The following ARSJ variants were observed in gnomAD, a reference collection of about 807,000 sequenced individuals.
The protein encoded by ARSJ is arylsulfatase family member J.
ARSJ carries 26 observed loss-of-function variants against 35.9 expected under a neutral mutation model. The ratio of observed to expected loss-of-function variants is 0.72; its 90% CI spans 0.53 to 1.00. The LOEUF (loss-of-function observed/expected upper bound fraction) is 1.00. ARSJ is among the 50% of genes least tolerant of loss of function. The pLI is 0.00. For synonymous variants in ARSJ, 294 were observed against 267.6 expected, an observed-to-expected ratio of 1.10 and a Z score of -0.96; for missense variants, 667 against 723.6, an observed-to-expected ratio of 0.92 and a Z score of 0.90.
intron 1 of ARSJ, among the ~76,000 whole-genome samples, chr4:113,945,272 C>T (rs1725403679): frequency 6.6e-6 from 1 of 152,040 alleles, no homozygotes; most frequent in Non-Finnish European, 1.5e-5. Flanking sequence ...GAAGCTGGGA[C>T]TATAGGTGTG....
chr4:113,977,365 A>G (rs1594531261), intron 1 of ARSJ, among the ~76,000 whole-genome samples: 1 of 152,360 alleles, frequency 6.6e-6, no homozygotes, highest in African/African-American at 2.4e-5. Context: ...AGTGGAAATC[A>G]TGCTGTAAGC....
At chr4:113,945,852 A>G (rs1443564579) in intron 1 of ARSJ, among the ~76,000 whole-genome samples, 1 of 152,036 alleles carries the variant, frequency 6.6e-6, no homozygotes, top group Non-Finnish European at 1.5e-5. Flanking sequence ...TAATTCTCCC[A>G]AGTAATTCCA....
intron 1 of ARSJ, among the ~76,000 whole-genome samples, chr4:113,965,720 C>A (rs1726850806): frequency 6.6e-6 from 1 of 151,982 alleles, no homozygotes; most frequent in African/African-American, 2.4e-5. Context: ...TTATGCTCAA[C>A]TAAATCTTTT....
chr4:113,978,506 CCTTCGGCAGCGAG>C lies in ARSJ; in HGVS notation c.316_328del (p.Leu106GlufsTer36). 6.2e-7 allele frequency: 1 copy of C among 1,614,174 alleles called. No homozygotes were observed. The highest frequency in any genetic ancestry group is 8.5e-7 in the Non-Finnish European group (1 of 1,179,992). ...GACATAGTAGTTCTCCAGTTTAACT[CCTTCGGCAGCGAG>C]CTTGTCAAGAGTAGGTGTTTTAATC... On this transcript the variant is annotated frameshift_variant, in exon 1 of 2. Coordinates refer to ENST00000315366, the MANE Select transcript of ARSJ (RefSeq NM_024590.4). LOFTEE classifies it high-confidence loss of function.
At chr4:113,929,356 G>A (rs1724280540) in intron 1 of ARSJ, among the ~76,000 whole-genome samples, 1 of 152,072 alleles carries the variant, frequency 6.6e-6, no homozygotes, top group Admixed American at 6.6e-5. Flanking sequence ...CTCAGGGGAG[G>A]CCATCACTGT....
intron 1 of ARSJ, among the ~76,000 whole-genome samples, chr4:113,929,088 C>G (rs1395261891): frequency 6.6e-6 from 1 of 152,098 alleles, no homozygotes; most frequent in Non-Finnish European, 1.5e-5. Flanking sequence ...AGAAATTTAG[C>G]CTGATCCAAC....
At chr4:113,924,251 A>C (rs1314339424) in intron 1 of ARSJ, among the ~76,000 whole-genome samples, 1 of 151,548 alleles carries the variant, frequency 6.6e-6, no homozygotes, top group African/African-American at 2.4e-5. Context: ...GTTCGAGGGC[A>C]GGAAGCAGCC....
At position 113,978,542 on chromosome 4, in the gene ARSJ, A is replaced by G; in HGVS notation, c.293T>C (p.Ile98Thr). ...FRDVGYHGSE[I>T]KTPTLDKLAA... ...GAGCTTGTCAAGAGTAGGTGTTTTA[A>G]TCTCAGATCCGTGGTAACCCACATC... Residue 98 changes from isoleucine to threonine, a missense_variant, in exon 1 of 2, where the codon ATT (isoleucine) becomes ACT (threonine). Ile to Thr is a moderately conservative substitution (Grantham distance 89, BLOSUM62 -1). Transcript: ENST00000315366. 1 of 1,614,226 alleles carries G rather than the reference A, an allele frequency of 6.2e-7. No individual in the cohort carries two copies. Among genetic ancestry groups the G allele is most frequent in the Non-Finnish European group, 8.5e-7 (1 of 1,180,026 alleles).
intron 1 of ARSJ, among the ~76,000 whole-genome samples, chr4:113,908,391 T>A (rs982470504): frequency 6.6e-6 from 1 of 151,494 alleles, no homozygotes; most frequent in Admixed American, 6.6e-5. Flanking sequence ...GCAATTTTTC[T>A]ATAAGATTGT....
intron 1 of ARSJ, among the ~76,000 whole-genome samples, chr4:113,912,628 T>G (rs955540644): frequency 1.3e-5 from 2 of 152,106 alleles, no homozygotes; most frequent in African/African-American, 4.8e-5. Context: ...TACAAAAAAA[T>G]GTATAGGTTC....
intron 1 of ARSJ, among the ~76,000 whole-genome samples, chr4:113,947,236 A>G (rs1260017928): frequency 6.6e-6 from 1 of 152,034 alleles, no homozygotes; most frequent in African/African-American, 2.4e-5. Flanking sequence ...ATCCCAGCAC[A>G]TTGGGAAGCC....
At chr4:113,920,100 C>G (rs1051200804) in intron 1 of ARSJ, among the ~76,000 whole-genome samples, 2 of 151,902 alleles carry the variant, frequency 1.3e-5, no homozygotes, top group South Asian at 4.2e-4. Flanking sequence ...TGGAGTAGGA[C>G]CTTAGAGCTG....
At chr4:113,919,948 G>GCT (rs78201846) in intron 1 of ARSJ, among the ~76,000 whole-genome samples, 2,226 of 148,638 alleles carry the variant, frequency 0.015, 31 homozygotes, top group Non-Finnish European at 0.022. Context: ...TTTTATTAAA[G>GCT]ATTTTTTTTT....
chr4:113,937,962 G>GA (rs1724875673), intron 1 of ARSJ, among the ~76,000 whole-genome samples: 1 of 151,884 alleles, frequency 6.6e-6, no homozygotes, highest in African/African-American at 2.4e-5. Context: ...CCATACTGAT[G>GA]AAAGTAATTT....
intron 1 of ARSJ, 70 bp downstream of exon 1, chr4:113,978,346 CTTTCTGTTACTCCCTTAAATT>C: frequency 8.0e-7 from 1 of 1,250,520 alleles, no homozygotes; most frequent in South Asian, 1.5e-5. Context: ...GTTCCCCATA[CTTTCTGTTACTCCCTTAAATT>C]TGGAGCTGGA....
At chr4:113,972,994 G>C (rs185603810) in intron 1 of ARSJ, among the ~76,000 whole-genome samples, 1 of 152,292 alleles carries the variant, frequency 6.6e-6, no homozygotes, top group East Asian at 1.9e-4. Flanking sequence ...TATCTTTGCT[G>C]TTAGAGTCCT....
At chr4:113,926,760 C>A (rs1402154002) in intron 1 of ARSJ, among the ~76,000 whole-genome samples, 3 of 152,190 alleles carry the variant, frequency 2.0e-5, no homozygotes, top group Non-Finnish European at 4.4e-5. Context: ...CAGTTCAGGT[C>A]ATCTGGTGAC....
At chr4:113,957,278 C>T (rs758387758) in intron 1 of ARSJ, among the ~76,000 whole-genome samples, 114 of 152,084 alleles carry the variant, frequency 7.5e-4, no homozygotes, top group Non-Finnish European at 1.4e-3. Context: ...GTATTTCCAC[C>T]ATTTTATTTA....
chr4:113,964,948 T>C (rs1405058790), intron 1 of ARSJ, among the ~76,000 whole-genome samples: 2 of 152,104 alleles, frequency 1.3e-5, no homozygotes, highest in African/African-American at 4.8e-5. Flanking sequence ...ATAATATATG[T>C]GGAAAAAAAT....
Sources: allele counts gnomAD v4.1 joint callset (sites outside exome capture counted in the v4.1 genomes callset), GRCh38; gene constraint gnomAD v4.1.1; transcripts MANE v1.5; gene names NCBI Gene and HGNC (gene_info 2026-07-23, HGNC 2026-07-21).